DCC: variants seen among roughly 807,000 people sequenced by gnomAD.
DCC encodes the protein netrin receptor DCC.
A neutral mutation model predicts 172.5 loss-of-function variants in DCC; 58 were observed. The ratio of observed to expected loss-of-function variants is 0.34; its 90% CI spans 0.27 to 0.42. DCC has a LOEUF of 0.42. DCC is among the 10% of genes least tolerant of loss of function. The pLI is 1.00. For synonymous variants in DCC, 709 were observed against 644.5 expected, an observed-to-expected ratio of 1.10 and a Z score of -1.52; for missense variants, 1,740 against 1,791.0, an observed-to-expected ratio of 0.97 and a Z score of 0.51.
intron 2 of DCC, among the ~76,000 whole-genome samples, chr18:52,886,071 G>A (rs1271812928): frequency 1.3e-5 from 2 of 151,736 alleles, no homozygotes; most frequent in East Asian, 3.9e-4. Context: ...CTCACCTCAA[G>A]CAGAAGGAAG....
chr18:53,326,942 C>G (rs1024253501), intron 14 of DCC, among the ~76,000 whole-genome samples: 2 of 152,004 alleles, frequency 1.3e-5, no homozygotes, highest in Non-Finnish European at 2.9e-5. Flanking sequence ...TATAACTTAC[C>G]CCCCTGCTTC....
chr18:52,354,857 T>G (rs1156505522), intron 1 of DCC, among the ~76,000 whole-genome samples: 1 of 152,168 alleles, frequency 6.6e-6, no homozygotes. Flanking sequence ...TTTTGCCTGA[T>G]TTTTCCTTTA....
chr18:53,066,110 C>T lies in DCC; in HGVS notation c.1205C>T (p.Ala402Val). The part of the protein sequence containing the change: ...KSDEGFYQCV[A>V]ENEAGNAQTS... ...GATGAAGGCTTTTATCAATGTGTGG[C>T]TGAAAATGAGGCTGGAAATGCCCAG... The change falls in exon 7 of 29, where the codon GCT (alanine) becomes GTT (valine). Residue 402 changes from alanine (A) to valine (V), a missense_variant. Around this residue, in one of 2 missense-constraint regions of DCC, gnomAD observed 1,732 missense variants for 1,767.4 expected, o/e 0.98. Transcript: ENST00000442544. 6.2e-7 allele frequency: 1 copy of T among 1,613,264 alleles called. No individual in the cohort carries two copies. Among genetic ancestry groups the T allele is most frequent in the Non-Finnish European group, 8.5e-7 (1 of 1,179,546 alleles).
intron 1 of DCC, among the ~76,000 whole-genome samples, chr18:52,649,760 T>C (rs2035092370): frequency 6.6e-6 from 1 of 152,204 alleles, no homozygotes; most frequent in Admixed American, 6.5e-5. Context: ...GACCAAATTG[T>C]ATTCCAGTGA....
At chr18:53,332,711 G>A (rs879613377) in intron 14 of DCC, among the ~76,000 whole-genome samples, 12 of 152,090 alleles carry the variant, frequency 7.9e-5, no homozygotes, top group Non-Finnish European at 1.6e-4. Flanking sequence ...TAAAGGGGCA[G>A]CCTAAGGAAA....
chr18:53,150,895 T>TTC (rs1370073466), intron 7 of DCC, among the ~76,000 whole-genome samples: 1 of 152,194 alleles, frequency 6.6e-6, no homozygotes, highest in Non-Finnish European at 1.5e-5. Flanking sequence ...AACTGTATCT[T>TTC]TCAGGCTTAG....
At chr18:52,955,156 T>C (rs147311502) in intron 5 of DCC, among the ~76,000 whole-genome samples, 15 of 152,288 alleles carry the variant, frequency 9.8e-5, no homozygotes, top group African/African-American at 3.1e-4. Flanking sequence ...AAGTATCCAT[T>C]ATAGCATCAT....
chr18:52,786,150 G>A (rs1255065509), intron 2 of DCC, among the ~76,000 whole-genome samples: 1 of 151,968 alleles, frequency 6.6e-6, no homozygotes, highest in African/African-American at 2.4e-5. Flanking sequence ...TTATCTTTGG[G>A]GGTCTATGAA....
chr18:52,900,514 T>C (rs2039795087), intron 2 of DCC, among the ~76,000 whole-genome samples: 2 of 152,310 alleles, frequency 1.3e-5, no homozygotes, highest in South Asian at 2.1e-4. Flanking sequence ...TCAATATAAT[T>C]TTTGATGCTG....
At chr18:52,622,395 A>G (rs565292965) in intron 1 of DCC, among the ~76,000 whole-genome samples, 2 of 152,192 alleles carry the variant, frequency 1.3e-5, no homozygotes, top group Non-Finnish European at 2.9e-5. Context: ...CATACCCCAA[A>G]TATTTTAGTT....
intron 22 of DCC, among the ~76,000 whole-genome samples, chr18:53,450,065 G>A (rs2045388384): frequency 6.6e-6 from 1 of 151,528 alleles, no homozygotes; most frequent in Non-Finnish European, 1.5e-5. Context: ...CCATATTATA[G>A]TAGGTATTAG....
At chr18:52,929,817 A>AACACACACACACACACACACACAC (rs34457182) in intron 5 of DCC, among the ~76,000 whole-genome samples, 2 of 144,878 alleles carry the variant, frequency 1.4e-5, no homozygotes, top group Admixed American at 6.9e-5. Context: ...GGACTTTGCA[A>AACACACACACACACACACACACAC]ACACACACAC....
chr18:52,697,809 G>T (rs1256242821), intron 1 of DCC, among the ~76,000 whole-genome samples: 1 of 152,144 alleles, frequency 6.6e-6, no homozygotes, highest in Non-Finnish European at 1.5e-5. Context: ...TAGAACAGCT[G>T]TTTAAGCCTT....
chr18:53,450,625 G>A lies in DCC; in HGVS notation c.3355G>A (p.Val1119Met). ...ITVLVVVIVA[V>M]ICTRRSSAQQ... ...AGTGCTGGTAGTGGTCATCGTGGCTGTGATTTGCACCCGACGCTCTTCAGC... is the reference window on the plus strand; with the variant it reads ...AGTGCTGGTAGTGGTCATCGTGGCTATGATTTGCACCCGACGCTCTTCAGC... Residue 1119 changes from valine to methionine, a missense_variant, in exon 23 of 29, where the codon GTG becomes ATG. Around this residue, in one of 2 missense-constraint regions of DCC, gnomAD observed 1,732 missense variants for 1,767.4 expected, o/e 0.98. Transcript: ENST00000442544. 7 of 1,612,180 alleles carry A rather than the reference G, an allele frequency of 4.3e-6. No individual in the cohort carries two copies. The highest frequency in any genetic ancestry group is 5.1e-6 in the Non-Finnish European group (6 of 1,179,334).
chr18:53,416,288 A>C, intron 21 of DCC, 132 bp downstream of exon 21: 1 of 736,200 alleles, frequency 1.4e-6, no homozygotes, highest in East Asian at 2.7e-5. Context: ...CGTGACGATT[A>C]ATCTTGTTAA....
chr18:52,412,839 T>G (rs1598797891), intron 1 of DCC, among the ~76,000 whole-genome samples: 1 of 152,258 alleles, frequency 6.6e-6, no homozygotes, highest in East Asian at 1.9e-4. Flanking sequence ...TTTTTTATTC[T>G]TTTGCATTTT....
At chr18:52,454,056 ACC>A (rs749071245) in intron 1 of DCC, among the ~76,000 whole-genome samples, 23 of 152,180 alleles carry the variant, frequency 1.5e-4, no homozygotes, top group Non-Finnish European at 2.9e-5. Context: ...AACGTGATAT[ACC>A]CATGTAACAA....
At chr18:52,630,394 G>A (rs1448924937) in intron 1 of DCC, among the ~76,000 whole-genome samples, 1 of 152,150 alleles carries the variant, frequency 6.6e-6, no homozygotes, top group Non-Finnish European at 1.5e-5. Context: ...ATTAGATTCT[G>A]AGCTATGCTA....
intron 1 of DCC, among the ~76,000 whole-genome samples, chr18:52,694,251 A>C (rs911974882): frequency 1.3e-5 from 2 of 152,168 alleles, no homozygotes; most frequent in Non-Finnish European, 2.9e-5. Flanking sequence ...GTGGTGAAAA[A>C]GCAAGACTGA....
Sources: allele counts gnomAD v4.1 joint callset (sites outside exome capture counted in the v4.1 genomes callset), GRCh38; gene constraint gnomAD v4.1.1; regional missense constraint gnomAD v4.1.1; transcripts MANE v1.5; gene names NCBI Gene and HGNC (gene_info 2026-07-23, HGNC 2026-07-21).